Variants in B4GALT1 observed in about 807,000 individuals in gnomAD.
B4GALT1 encodes the protein N-acetyllactosamine synthase.
In B4GALT1, 16 loss-of-function variants were observed where a neutral mutation model predicts 34.9. That is an observed-to-expected ratio of 0.46 (90% CI 0.31 to 0.70). B4GALT1 has a LOEUF of 0.70. Ranked by LOEUF, B4GALT1 falls within the 30% of genes least tolerant of loss-of-function variation. The pLI is 0.05. For missense variants in B4GALT1, 445 were observed against 530.5 expected, an observed-to-expected ratio of 0.84 and a Z score of 1.58; for synonymous variants, 221 against 218.1, an observed-to-expected ratio of 1.01 and a Z score of -0.12.
At chr9:33,117,748 C>T (rs568031629) in intron 3 of B4GALT1, among the ~76,000 whole-genome samples, 1 of 152,298 alleles carries the variant, frequency 6.6e-6, no homozygotes, top group East Asian at 1.9e-4. Context: ...TGAACCTATT[C>T]GTAATTAGGT....
Position 33,167,044 on chromosome 9 carries a change from C to T in B4GALT1, c.126G>A (p.Leu42=). ...GCAGGCGGCTCAGGTCGCGGCCAGCCAGGTAGTAAACGAGGGTGACGCCAA... is the reference window on the plus strand; with the variant it reads ...GCAGGCGGCTCAGGTCGCGGCCAGCTAGGTAGTAAACGAGGGTGACGCCAA... ...LHLGVTLVYY[L]AGRDLSRLPQ... Residue 42 remains leucine, a synonymous_variant, in exon 1 of 6, where the codon CTG becomes CTA. Transcript: ENST00000379731. The T allele has an allele frequency of 1.2e-6, 2 of 1,601,260 alleles. No homozygotes were observed. The highest frequency in any genetic ancestry group is 1.7e-6 in the Non-Finnish European group (2 of 1,178,782).
At chr9:33,127,400 T>A (rs1015948147) in intron 2 of B4GALT1, among the ~76,000 whole-genome samples, 1 of 152,256 alleles carries the variant, frequency 6.6e-6, no homozygotes, top group Non-Finnish European at 1.5e-5. Flanking sequence ...GTTCAGGATG[T>A]TTAAGATACA....
intron 2 of B4GALT1, among the ~76,000 whole-genome samples, chr9:33,105,324 A>C (rs1243972835): frequency 6.6e-6 from 1 of 151,746 alleles, no homozygotes; most frequent in Non-Finnish European, 1.5e-5. Flanking sequence ...TTTTTAGTAG[A>C]GACAGGGTTT....
At chr9:33,130,441 C>T (rs1390633594) in intron 2 of B4GALT1, among the ~76,000 whole-genome samples, 1 of 151,302 alleles carries the variant, frequency 6.6e-6, no homozygotes, top group Non-Finnish European at 1.5e-5. Flanking sequence ...AAATAGTATT[C>T]TCCCATGCTG....
At position 33,144,697 on chromosome 9, in the gene B4GALT1, G is replaced by A. The variant is rs557403063; in HGVS notation, c.413-9273C>T. ...TCAGAGCTTTCCCCAGTCCCCTCTCGGGATCAATCAGTCCCCACTCCATAT... is the reference window on the plus strand; with the variant it reads ...TCAGAGCTTTCCCCAGTCCCCTCTCAGGATCAATCAGTCCCCACTCCATAT... On this transcript the variant is annotated intron_variant, in intron 1 of 5. Transcript: ENST00000379731. Among the ~76,000 whole-genome samples the A allele has an allele frequency of 4.6e-5, 7 of 152,168 alleles. No homozygotes were observed. The South Asian group carries it at 6.2e-4, about 14-fold the overall frequency.
chr9:33,133,991 C>G (rs189552209), intron 2 of B4GALT1, among the ~76,000 whole-genome samples: 275 of 152,350 alleles, frequency 1.8e-3, no homozygotes, highest in African/African-American at 6.3e-3. Flanking sequence ...CTCTCTCCTT[C>G]CTCTGAGCTT....
intron 2 of B4GALT1, among the ~76,000 whole-genome samples, chr9:33,129,127 C>G (rs1008975552): frequency 1.3e-5 from 2 of 152,128 alleles, no homozygotes; most frequent in African/African-American, 4.8e-5. Context: ...GTGTGCTTAC[C>G]TGTGGAGCCT....
At chr9:33,116,213 CT>C (rs1564036190) in intron 3 of B4GALT1, 100 bp from the exon 4 acceptor site, 1 of 1,412,366 alleles carries the variant, frequency 7.1e-7, no homozygotes, top group Non-Finnish European at 9.7e-7. Flanking sequence ...TAAAGTTATT[CT>C]TTTTGCTTCT....
intron 1 of B4GALT1, among the ~76,000 whole-genome samples, chr9:33,146,530 T>C (rs10217267): frequency 0.48 from 73,264 of 151,908 alleles, 18,351 homozygotes; most frequent in East Asian, 0.71. Flanking sequence ...CCAGGAAGAA[T>C]TCCAGAGTCA....
chr9:33,171,372 C>T (rs1344786299), upstream of B4GALT1, among the ~76,000 whole-genome samples: 1 of 152,178 alleles, frequency 6.6e-6, no homozygotes, highest in Non-Finnish European at 1.5e-5. Context: ...AAGGACTCTC[C>T]ATGTGGCTGC....
At chr9:33,138,855 C>T (rs1181286374) in intron 1 of B4GALT1, among the ~76,000 whole-genome samples, 1 of 152,176 alleles carries the variant, frequency 6.6e-6, no homozygotes, top group East Asian at 1.9e-4. Context: ...TCAGGATTCC[C>T]TCAGCAACTG....
At chr9:33,161,710 A>G (rs1311577510) in intron 1 of B4GALT1, among the ~76,000 whole-genome samples, 1 of 152,216 alleles carries the variant, frequency 6.6e-6, no homozygotes, top group African/African-American at 2.4e-5. Flanking sequence ...AGGGCAGACC[A>G]TTTGTCCTAA....
chr9:33,174,981 AAAAAAAAAAATAT>A, the B4GALT1 span, among the ~76,000 whole-genome samples: 2 of 41,450 alleles, frequency 4.8e-5, no homozygotes, highest in South Asian at 9.5e-4. Context: ...AAAAAAAAAA[AAAAAAAAAAATAT>A]ATATATATAT....
rs10412 is a variant in B4GALT1, at chr9:33,110,841, C to G, written c.*2613G>C. 2 of 152,128 alleles carry G rather than the reference C, an allele frequency of 1.3e-5. No homozygotes were observed. Among genetic ancestry groups the G allele is most frequent in the African/African-American group, 4.8e-5 (2 of 41,376 alleles). 9.4% of individuals were successfully genotyped at this position (152,128 alleles called of 1,614,324 possible). ...CGTCATCCTGGCTATGCAGAGCCCC[C>G]GCCCCTGGCAGTCAGCAGAGACCCT... On this transcript the variant is annotated 3_prime_UTR_variant, in exon 6 of 6. Coordinates refer to ENST00000379731, the MANE Select transcript of B4GALT1 (RefSeq NM_001497.4).
rs1587748510 is a variant in B4GALT1 at position 33,155,813 on chromosome 9, C to T, written c.412+10945G>A. On this transcript the variant is annotated intron_variant, in intron 1 of 5. Transcript: ENST00000379731. Reference sequence around the variant, plus strand: ...TTTGTGCCCAAGAAGATGAGTTAGGCATTGATCAAAAGACATTCAGAGTAC... The same window carrying T: ...TTTGTGCCCAAGAAGATGAGTTAGGTATTGATCAAAAGACATTCAGAGTAC... Among the ~76,000 whole-genome samples, 4 of 152,186 alleles carry T rather than the reference C, an allele frequency of 2.6e-5. No individual in the cohort carries two copies. The South Asian group carries it at 6.2e-4, about 24-fold the overall frequency.
chr9:33,164,970 ATTT>A (rs534464885), intron 1 of B4GALT1, among the ~76,000 whole-genome samples: 8,328 of 107,588 alleles, frequency 0.077, 407 homozygotes, highest in African/African-American at 0.16. Context: ...GAGTGCCCGT[ATTT>A]TTTTTTTTTT....
At chr9:33,133,022 C>G (rs917780972) in intron 2 of B4GALT1, among the ~76,000 whole-genome samples, 2 of 152,160 alleles carry the variant, frequency 1.3e-5, no homozygotes, top group Non-Finnish European at 2.9e-5. Context: ...CCTGCCTCAG[C>G]CTCCCGAGTA....
chr9:33,109,363 G>T (rs751080948), downstream of B4GALT1, among the ~76,000 whole-genome samples: 1 of 152,158 alleles, frequency 6.6e-6, no homozygotes, highest in Non-Finnish European at 1.5e-5. Flanking sequence ...TCTCCATCCG[G>T]TTCTTCATCA....
chr9:33,174,993 AT>A, the B4GALT1 span, among the ~76,000 whole-genome samples: 2 of 31,506 alleles, frequency 6.3e-5, no homozygotes, highest in Non-Finnish European at 1.4e-4. Context: ...AAAAAAAAAT[AT>A]ATATATATAT....
Sources: allele counts gnomAD v4.1 joint callset (sites outside exome capture counted in the v4.1 genomes callset), GRCh38; gene constraint gnomAD v4.1.1; transcripts MANE v1.5; gene names NCBI Gene and HGNC (gene_info 2026-07-23, HGNC 2026-07-21).